The following ATXN10 variants were observed in gnomAD, a reference collection of about 807,000 sequenced individuals.
The protein encoded by ATXN10 is ataxin-10.
In ATXN10, 28 loss-of-function variants were observed where a neutral mutation model predicts 52.9. That is an observed-to-expected ratio of 0.53 (90% CI 0.39 to 0.73). The LOEUF (loss-of-function observed/expected upper bound fraction) is 0.73. Among genes scored for constraint, ATXN10 ranks in the 30% least tolerant of loss-of-function variants. The probability of loss-of-function intolerance (pLI) is 0.00; values close to 1 mark genes in which losing one functional copy is unlikely to be tolerated. For missense variants in ATXN10, 565 were observed against 577.0 expected (o/e 0.98, Z 0.21); for synonymous variants, 226 against 221.5 (o/e 1.02, Z -0.18).
At position 45,816,669 on chromosome 22, in the gene ATXN10, A is replaced by G. The variant is rs541157473; in HGVS notation, c.1237+9647A>G. On this transcript the variant is annotated intron_variant, in intron 10 of 11. Coordinates refer to ENST00000252934, the MANE Select transcript of ATXN10 (RefSeq NM_013236.4). This position sits in a 1 kb window ranked among gnomAD's most constrained non-coding sequence, Gnocchi z 5.8. ...ATGTGCTCCAAAGCATATTTTGTCT[A>G]TAGTATCTTAATAGGTAATATACGG... Among the ~76,000 whole-genome samples the G allele has an allele frequency of 4.6e-5, 7 of 152,344 alleles. No individual in the cohort carries two copies. The highest frequency in any genetic ancestry group is 1.2e-4 in the African/African-American group (5 of 41,582).
chr22:45,721,729 C>T (rs558385589), intron 6 of ATXN10, among the ~76,000 whole-genome samples: 1 of 152,282 alleles, frequency 6.6e-6, no homozygotes, highest in East Asian at 1.9e-4. Context: ...GTCATTTAAT[C>T]CTCACAGACT....
At chr22:45,758,820 G>C (rs1009749914) in intron 9 of ATXN10, among the ~76,000 whole-genome samples, 1 of 152,200 alleles carries the variant, frequency 6.6e-6, no homozygotes, top group African/African-American at 2.4e-5. Context: ...ATAACAGCCT[G>C]AGGCATCAGT....
chr22:45,828,596 T>A lies in ATXN10; in HGVS notation c.1238-14395T>A, dbSNP rs1213691451. 6.6e-6 allele frequency among the ~76,000 whole-genome samples: 1 copy of A among 151,912 alleles called. No homozygotes were observed. Among genetic ancestry groups the A allele is most frequent in the Non-Finnish European group, 1.5e-5 (1 of 67,968 alleles). On this transcript the variant is annotated intron_variant, in intron 10 of 11. Transcript: ENST00000252934. This position sits in a 1 kb window ranked among gnomAD's most constrained non-coding sequence, Gnocchi z 4.5. ...ACTGATTCTACAGAAATAAAAAGGG[T>A]TGCAAGAGAGCACTGTGAACAATTG... is the stretch of plus-strand genomic sequence containing the variant.
At chr22:45,836,349 C>G (rs1420014151) in intron 10 of ATXN10, among the ~76,000 whole-genome samples, 1 of 152,220 alleles carries the variant, frequency 6.6e-6, no homozygotes, top group Non-Finnish European at 1.5e-5. Flanking sequence ...CTTGTGACCC[C>G]TTGCAAAAGT....
chr22:45,797,156 A>G (rs1165845989), intron 9 of ATXN10, among the ~76,000 whole-genome samples: 2 of 152,250 alleles, frequency 1.3e-5, no homozygotes, highest in Non-Finnish European at 2.9e-5. Flanking sequence ...ATCTTTATAA[A>G]TTACAGAACA....
intron 9 of ATXN10, among the ~76,000 whole-genome samples, chr22:45,782,494 G>T (rs1043028094): frequency 2.9e-4 from 44 of 152,198 alleles, no homozygotes; most frequent in African/African-American, 9.6e-4. Context: ...GGGAGCTTCT[G>T]GGAGGTGCAG....
At chr22:45,751,739 G>GAAAA (rs1925959977) in intron 9 of ATXN10, among the ~76,000 whole-genome samples, 5 of 14,086 alleles carry the variant, frequency 3.5e-4, no homozygotes, top group African/African-American at 1.5e-3. Flanking sequence ...ACCTTTTTCT[G>GAAAA]GAAAAAAAAA....
rs1929128091 is a variant in ATXN10 at position 45,835,236 on chromosome 22, G to T, written c.1238-7755G>T. ...TGGACGGGCTCATGGGTCCTGCTTT[G>T]CCTGGCGTGGGCTCATGGGTCCTGC... On this transcript the variant is annotated intron_variant, in intron 10 of 11. Transcript: ENST00000252934. This position sits in a 1 kb window ranked among gnomAD's most constrained non-coding sequence, Gnocchi z 5.0. Among the ~76,000 whole-genome samples the T allele has an allele frequency of 1.3e-5, 2 of 152,072 alleles. No homozygotes were observed. Among genetic ancestry groups the T allele is most frequent in the Non-Finnish European group, 2.9e-5 (2 of 68,014 alleles).
chr22:45,761,329 G>A (rs1322403240), intron 9 of ATXN10, among the ~76,000 whole-genome samples: 1 of 152,156 alleles, frequency 6.6e-6, no homozygotes, highest in Admixed American at 6.5e-5. Flanking sequence ...AGCCTAGCAT[G>A]TAAGCTCCAT....
intron 10 of ATXN10, among the ~76,000 whole-genome samples, chr22:45,815,329 T>C (rs1319503008): frequency 2.0e-5 from 3 of 152,036 alleles, no homozygotes; most frequent in African/African-American, 4.8e-5. Context: ...TTACGTGGGG[T>C]AGAAGGGTAG....
chr22:45,731,501 T>G (rs992103106), intron 7 of ATXN10, among the ~76,000 whole-genome samples: 5 of 152,194 alleles, frequency 3.3e-5, no homozygotes, highest in African/African-American at 1.2e-4. Context: ...CAATAAAAGA[T>G]GATAGAGAGT....
Position 45,843,324 on chromosome 22 carries a change from A to G in ATXN10, c.1425+146A>G. 11 of 954,360 alleles carry G rather than the reference A, an allele frequency of 1.2e-5. No homozygotes were observed. Among genetic ancestry groups the G allele is most frequent in the Non-Finnish European group, 1.8e-5 (11 of 627,762 alleles). 59.1% of individuals were successfully genotyped at this position (954,360 alleles called of 1,614,324 possible). Reference sequence around the variant, plus strand: ...AGTGGTTTACCGAGGAAAGCCCTAAAGATAGCTGCAAACGGTTTTTTTGTT... The same window carrying G: ...AGTGGTTTACCGAGGAAAGCCCTAAGGATAGCTGCAAACGGTTTTTTTGTT... On this transcript the variant is annotated intron_variant, in intron 11 of 11. Coordinates refer to ENST00000252934, the MANE Select transcript of ATXN10 (RefSeq NM_013236.4). The surrounding 1 kb of genome is among the most constrained non-coding windows in gnomAD (Gnocchi z 4.5).
At chr22:45,755,034 C>G (rs1333065514) in intron 9 of ATXN10, among the ~76,000 whole-genome samples, 2 of 152,220 alleles carry the variant, frequency 1.3e-5, no homozygotes, top group Admixed American at 1.3e-4. Context: ...TCCTGGTGCT[C>G]AGGAAAGCCA....
chr22:45,843,853 GTT>G lies in ATXN10; in HGVS notation c.*184_*185del, dbSNP rs1929428078. The G allele has an allele frequency of 1.6e-6, 1 of 639,818 alleles. No homozygotes were observed. The highest frequency in any genetic ancestry group is 2.7e-6 in the Non-Finnish European group (1 of 364,794). The allele number at this position is 639,818 out of a possible 1,614,324, so 39.6% of individuals were successfully genotyped here. A position where few individuals can be genotyped will look rare whatever the true frequency, so the allele number is the denominator to read the frequency against. On this transcript the variant is annotated 3_prime_UTR_variant, in exon 12 of 12. Coordinates refer to ENST00000252934, the MANE Select transcript of ATXN10 (RefSeq NM_013236.4). The surrounding 1 kb of genome is among the most constrained non-coding windows in gnomAD (Gnocchi z 4.5). ...AGTGAAAGTAACTGAGTGTTCTCTT[GTT>G]TCTTTGCATTAATGTAACTGTGTGG... is the stretch of plus-strand genomic sequence containing the variant.
intron 9 of ATXN10, among the ~76,000 whole-genome samples, chr22:45,755,168 G>A (rs1262208662): frequency 1.1e-4 from 16 of 152,338 alleles, no homozygotes; most frequent in Admixed American, 2.0e-4. Context: ...CACAGTGCTT[G>A]TAAATCCTGC....
rs1601626035 is a variant in ATXN10, at chr22:45,754,875, T to C, written c.1173+14337T>C. Among the ~76,000 whole-genome samples, 3 of 152,308 alleles carry C rather than the reference T, an allele frequency of 2.0e-5. No individual in the cohort carries two copies. The highest frequency in any genetic ancestry group is 3.9e-4 in the East Asian group (2 of 5,184). On this transcript the variant is annotated intron_variant, in intron 9 of 11. Transcript: ENST00000252934. The surrounding 1 kb of genome is among the most constrained non-coding windows in gnomAD (Gnocchi z 5.4). ...GTCTCAAAAAATGTCTTGGCCCTCC[T>C]TGCAACAGGCTCTTGGGCAGGCAGC...
rs985325365 is a variant in ATXN10 at position 45,796,488 on chromosome 22, A to G, written c.1174-10471A>G. 1.1e-4 allele frequency among the ~76,000 whole-genome samples: 16 copies of G among 151,750 alleles called. No individual in the cohort carries two copies. In the South Asian group the frequency reaches 2.1e-3, roughly 20 times the overall value. On this transcript the variant is annotated intron_variant, in intron 9 of 11. Coordinates refer to ENST00000252934, the MANE Select transcript of ATXN10 (RefSeq NM_013236.4). ...GTTTGTACACCCCTCCCCTTTTGAAACCCCTAATAAAAAGTTACTGCTTTT... is the reference window on the plus strand; with the variant it reads ...GTTTGTACACCCCTCCCCTTTTGAAGCCCCTAATAAAAAGTTACTGCTTTT...
intron 10 of ATXN10, among the ~76,000 whole-genome samples, chr22:45,808,162 G>A (rs1435654990): frequency 6.6e-6 from 1 of 152,120 alleles, no homozygotes; most frequent in Admixed American, 6.5e-5. Flanking sequence ...GCATTATCAT[G>A]AGTCCCTGAA....
intron 9 of ATXN10, chr22:45,793,784 C>T (rs1927606097): frequency 2.3e-6 from 3 of 1,326,790 alleles, no homozygotes; most frequent in African/African-American, 1.5e-5. Flanking sequence ...GACAGGTAAG[C>T]CCCCAAATTG....
Sources: allele counts gnomAD v4.1 joint callset (sites outside exome capture counted in the v4.1 genomes callset), GRCh38; gene constraint gnomAD v4.1.1; non-coding constraint Gnocchi (gnomAD v3.1); transcripts MANE v1.5; gene names NCBI Gene and HGNC (gene_info 2026-07-23, HGNC 2026-07-21).